WDR89: variants seen among roughly 807,000 people sequenced by gnomAD.
WDR89 encodes WD repeat-containing protein 89.
A neutral mutation model predicts 29.1 loss-of-function variants in WDR89; 17 were observed. That is an observed-to-expected ratio of 0.58 (90% CI 0.40 to 0.88). The LOEUF is 0.88. WDR89 is among the 40% of genes least tolerant of loss of function. The probability of loss-of-function intolerance (pLI) is 0.00; values close to 1 mark genes in which losing one functional copy is unlikely to be tolerated. For missense variants in WDR89, 396 were observed against 456.3 expected (o/e 0.87, Z 1.20); for synonymous variants, 138 against 157.8 (o/e 0.87, Z 0.94).
rs1336228853 is a variant in WDR89 at position 63,598,637 on chromosome 14, A to T, written c.*142T>A. On this transcript the variant is annotated 3_prime_UTR_variant, in exon 3 of 3. Coordinates refer to ENST00000620954, the MANE Select transcript of WDR89 (RefSeq NM_080666.4). ...TAGAATATGTGAAGACCGGAATTAA[A>T]CCATTCTCACCATATTTTTCCAGGA... 2 of 689,284 alleles carry T rather than the reference A, an allele frequency of 2.9e-6. No individual in the cohort carries two copies. Among genetic ancestry groups the T allele is most frequent in the Non-Finnish European group, 4.3e-6 (2 of 466,612 alleles). The allele number at this position is 689,284 out of a possible 1,614,324, so 42.7% of individuals were successfully genotyped here. A position where few individuals can be genotyped will look rare whatever the true frequency, so the allele number is the denominator to read the frequency against.
intron 2 of WDR89, among the ~76,000 whole-genome samples, chr14:63,623,735 A>T (rs1445244521): frequency 1.3e-5 from 2 of 149,062 alleles, no homozygotes; most frequent in Non-Finnish European, 3.0e-5. Flanking sequence ...AAAAAAATCC[A>T]ACCACACCAA....
intron 1 of WDR89, among the ~76,000 whole-genome samples, chr14:63,627,542 C>A (rs1002702972): frequency 2.0e-5 from 3 of 152,150 alleles, no homozygotes; most frequent in African/African-American, 7.2e-5. Flanking sequence ...TTTCACCACC[C>A]TAAAAATCCT....
chr14:63,616,782 A>G (rs1882333439), intron 2 of WDR89, among the ~76,000 whole-genome samples: 2 of 152,228 alleles, frequency 1.3e-5, no homozygotes, highest in Non-Finnish European at 2.9e-5. Flanking sequence ...GGCTGAGAGC[A>G]GGTAAGAGAC....
At position 63,599,402 on chromosome 14, in the gene WDR89, T is replaced by C; in HGVS notation, c.541A>G (p.Ser181Gly). 6.2e-7 allele frequency: 1 copy of C among 1,614,224 alleles called. No individual in the cohort carries two copies. Among genetic ancestry groups the C allele is most frequent in the Non-Finnish European group, 8.5e-7 (1 of 1,180,038 alleles). Reference protein sequence around the residue: ...DDVTQVRFHPSNPNMVVSGSS... With the variant: ...DDVTQVRFHPGNPNMVVSGSS... The stretch of plus-strand genomic sequence containing the variant: ...CCTGAGACTACCATGTTGGGATTGC[T>C]GGGATGGAAACGTACTTGAGTGACA... The change falls in exon 3 of 3, where the codon AGC becomes GGC. Residue 181 changes from serine (S) to glycine (G), a missense_variant. Ser to Gly is a moderately conservative substitution (Grantham distance 56). Coordinates refer to ENST00000620954, the MANE Select transcript of WDR89 (RefSeq NM_080666.4).
chr14:63,611,453 C>A (rs78521621), intron 2 of WDR89, among the ~76,000 whole-genome samples: 8,042 of 151,268 alleles, frequency 0.053, 305 homozygotes, highest in African/African-American at 0.11. Flanking sequence ...ATATGGTATC[C>A]TTGATTAGAT....
intron 2 of WDR89, among the ~76,000 whole-genome samples, chr14:63,612,564 C>T (rs778066875): frequency 1.3e-5 from 2 of 151,772 alleles, no homozygotes; most frequent in Non-Finnish European, 2.9e-5. Flanking sequence ...TTGTAGAGAC[C>T]GGGTTTCGCC....
intron 1 of WDR89, among the ~76,000 whole-genome samples, chr14:63,636,369 C>G (rs1269168140): frequency 6.6e-6 from 1 of 152,012 alleles, no homozygotes; most frequent in Non-Finnish European, 1.5e-5. Context: ...CAATGCAATC[C>G]CCATCAAAAT....
intron 1 of WDR89, among the ~76,000 whole-genome samples, chr14:63,626,006 G>A (rs1883015660): frequency 6.6e-6 from 1 of 151,808 alleles, no homozygotes. Flanking sequence ...GGCATGCACT[G>A]CCACACCCAG....
intron 1 of WDR89, among the ~76,000 whole-genome samples, chr14:63,639,704 T>C (rs1193559367): frequency 1.3e-5 from 2 of 152,152 alleles, no homozygotes; most frequent in African/African-American, 2.4e-5. Context: ...TCACTGAAAA[T>C]GTAGTTCTTT....
chr14:63,620,004 CA>C (rs71120271), intron 2 of WDR89, among the ~76,000 whole-genome samples: 64 of 72,456 alleles, frequency 8.8e-4, no homozygotes, highest in South Asian at 1.4e-3. Context: ...GACTCCATCT[CA>C]AAAAAAAAAA....
chr14:63,641,584 G>A (rs1486829558), intron 1 of WDR89, among the ~76,000 whole-genome samples: 2 of 152,390 alleles, frequency 1.3e-5, no homozygotes, highest in African/African-American at 4.8e-5. Context: ...ACCCGCAGAA[G>A]TTTCTTTGGC....
At chr14:63,610,498 T>C (rs997921745) in intron 2 of WDR89, among the ~76,000 whole-genome samples, 28 of 151,954 alleles carry the variant, frequency 1.8e-4, no homozygotes, top group Non-Finnish European at 8.8e-5. Context: ...AGTAACCTAA[T>C]TGTGGAGAAG....
rs185053307 is a variant in WDR89 at position 63,621,513 on chromosome 14, G to T, written c.-32+3415C>A. The stretch of plus-strand genomic sequence containing the variant: ...CTAGGGAGGCTAAAGCAGGAGAATC[G>T]CCTGAACCCAGGAGGTGTAGGTTGC... On this transcript the variant is annotated intron_variant, in intron 2 of 2. Transcript: ENST00000620954. Among the ~76,000 whole-genome samples the T allele has an allele frequency of 6.1e-3, 920 of 152,060 alleles. 31 individuals are homozygous for T. The highest frequency in any genetic ancestry group is 0.055 in the Admixed American group (846 of 15,262).
intron 2 of WDR89, among the ~76,000 whole-genome samples, chr14:63,608,193 G>A (rs541806239): frequency 1.3e-5 from 2 of 152,240 alleles, no homozygotes; most frequent in East Asian, 3.9e-4. Context: ...GCAATAGAGT[G>A]AGACTCTGCC....
rs1894894580 is a variant in WDR89, at chr14:63,598,639, C to A, written c.*140G>T. 1.4e-6 allele frequency: 1 copy of A among 693,846 alleles called. No individual in the cohort carries two copies. The highest frequency in any genetic ancestry group is 2.1e-6 in the Non-Finnish European group (1 of 473,160). The allele number at this position is 693,846 out of a possible 1,614,324, so 43.0% of individuals were successfully genotyped here. ...GAATATGTGAAGACCGGAATTAAAC[C>A]ATTCTCACCATATTTTTCCAGGACT... On this transcript the variant is annotated 3_prime_UTR_variant, in exon 3 of 3. Transcript: ENST00000620954.
chr14:63,610,219 TAAAAA>T (rs56984803), intron 2 of WDR89, among the ~76,000 whole-genome samples: 3 of 65,326 alleles, frequency 4.6e-5, no homozygotes, highest in Non-Finnish European at 5.3e-5. Context: ...GACTCTGTCT[TAAAAA>T]AAAAAAAAAA....
chr14:63,627,137 C>G (rs1446153892), intron 1 of WDR89, among the ~76,000 whole-genome samples: 1 of 127,470 alleles, frequency 7.8e-6, no homozygotes, highest in East Asian at 2.4e-4. Flanking sequence ...CACACACACA[C>G]ACACACACAC....
At chr14:63,625,211 G>A (rs772739983) in intron 1 of WDR89, among the ~76,000 whole-genome samples, 178 bp from the exon 2 acceptor site, 38 of 152,102 alleles carry the variant, frequency 2.5e-4, no homozygotes, top group Admixed American at 2.0e-3. Flanking sequence ...ACATAAAAGC[G>A]TATATATTGT....
At chr14:63,639,601 C>T (rs112117295) in intron 1 of WDR89, among the ~76,000 whole-genome samples, 1 of 152,018 alleles carries the variant, frequency 6.6e-6, no homozygotes, top group Non-Finnish European at 1.5e-5. Flanking sequence ...AAATATTGAA[C>T]AGAATTAACA....
Sources: allele counts gnomAD v4.1 joint callset (sites outside exome capture counted in the v4.1 genomes callset), GRCh38; gene constraint gnomAD v4.1.1; transcripts MANE v1.5; gene names NCBI Gene and HGNC (gene_info 2026-07-23, HGNC 2026-07-21).